Variants in IRAG1 observed in about 807,000 individuals in gnomAD.
IRAG1 encodes the protein IP3R-associated cGMP kinase substrate.
A neutral mutation model predicts 106.2 loss-of-function variants in IRAG1; 62 were observed. The observed-to-expected ratio is 0.58, with a 90% CI of 0.48 to 0.72. The LOEUF is 0.72. IRAG1 is among the 30% of genes least tolerant of loss of function. IRAG1 has a pLI of 0.00. For missense variants in IRAG1, 1,064 were observed against 1,140.7 expected, an observed-to-expected ratio of 0.93 and a Z score of 0.97; for synonymous variants, 462 against 443.9, an observed-to-expected ratio of 1.04 and a Z score of -0.51.
rs4489736 is a variant in IRAG1, at chr11:10,665,117, G to C, written c.68-12935C>G. 1 allele frequency among the ~76,000 whole-genome samples: 152,321 copies of C among 152,324 alleles called. 76,159 individuals are homozygous for C. Among genetic ancestry groups the C allele is most frequent in the Non-Finnish European group, 1 (68,032 of 68,032 alleles). Reference sequence around the variant, plus strand: ...CCAAGTCTTCTCTCACCTCTCTACTGTGCTGCTTACCTAACCCTAACCCTA... The same window carrying C: ...CCAAGTCTTCTCTCACCTCTCTACTCTGCTGCTTACCTAACCCTAACCCTA... On this transcript the variant is annotated intron_variant, in intron 1 of 20. Coordinates refer to ENST00000423302, the MANE Select transcript of IRAG1 (RefSeq NM_130385.4). The surrounding 1 kb of genome is among the most constrained non-coding windows in gnomAD (Gnocchi z 4.2).
At chr11:10,633,143 G>T (rs56111435) in intron 3 of IRAG1, among the ~76,000 whole-genome samples, 30,708 of 147,182 alleles carry the variant, frequency 0.21, 4,173 homozygotes, top group Non-Finnish European at 0.3. Context: ...GGCGCGATCT[G>T]GGCTCACTGC....
rs1856477236 is a variant in IRAG1, at chr11:10,628,882, C to G, written c.575-54G>C. On this transcript the variant is annotated intron_variant, in intron 5 of 20. Coordinates refer to ENST00000423302, the MANE Select transcript of IRAG1 (RefSeq NM_130385.4). This position sits in a 1 kb window ranked among gnomAD's most constrained non-coding sequence, Gnocchi z 4.1. ...ATTCATGAAGGTTTAGGACTTCAAC[C>G]TGGCAAAGGCATCCTTTTAGGTATT... The G allele has an allele frequency of 2.5e-5, 37 of 1,491,758 alleles. No homozygotes were observed. Among genetic ancestry groups the G allele is most frequent in the Non-Finnish European group, 3.4e-5 (37 of 1,099,796 alleles). 92.4% of individuals were successfully genotyped at this position (1,491,758 alleles called of 1,614,324 possible). A position where few individuals can be genotyped will look rare whatever the true frequency, so the allele number is the denominator to read the frequency against.
At chr11:10,614,877 TG>T (rs1855268787) in intron 10 of IRAG1, among the ~76,000 whole-genome samples, 1 of 152,214 alleles carries the variant, frequency 6.6e-6, no homozygotes, top group Admixed American at 6.5e-5. Context: ...GACATAGGCA[TG>T]GGCAAGGACT....
intron 20 of IRAG1, among the ~76,000 whole-genome samples, chr11:10,579,797 G>C (rs902682415): frequency 6.6e-6 from 1 of 152,150 alleles, no homozygotes. Flanking sequence ...GGAACCACAA[G>C]TGGGACAAGA....
chr11:10,640,802 C>T (rs11042905), intron 2 of IRAG1, among the ~76,000 whole-genome samples: 62,628 of 152,036 alleles, frequency 0.41, 13,143 homozygotes, highest in African/African-American at 0.44. Flanking sequence ...TCAGAAGCCA[C>T]ACTACCTTAT....
chr11:10,643,099 C>T (rs1857646924), intron 2 of IRAG1, among the ~76,000 whole-genome samples: 2 of 138,118 alleles, frequency 1.4e-5, no homozygotes, highest in Non-Finnish European at 1.5e-5. Context: ...GGCGTGAACC[C>T]AGGAGGCGGA....
Position 10,657,367 on chromosome 11 carries a change from G to GGCA in IRAG1, c.68-5188_68-5186dup, listed in dbSNP as rs1184118876. ...TGCAGGGCCAAGCCTGTTCTCGGCA[G>GGCA]GCAGCAGCAGCCTCTCATCATGGCG... On this transcript the variant is annotated intron_variant, in intron 1 of 20. Transcript: ENST00000423302. The surrounding 1 kb of genome is among the most constrained non-coding windows in gnomAD (Gnocchi z 4.1). Among the ~76,000 whole-genome samples the GGCA allele has an allele frequency of 6.6e-6, 1 of 152,194 alleles. No individual in the cohort carries two copies. The highest frequency in any genetic ancestry group is 1.5e-5 in the Non-Finnish European group (1 of 68,030).
chr11:10,589,690 T>C (rs1407896913), intron 18 of IRAG1, among the ~76,000 whole-genome samples: 1 of 152,234 alleles, frequency 6.6e-6, no homozygotes, highest in African/African-American at 2.4e-5. Context: ...CATTCTTACA[T>C]GGGTATATTC....
chr11:10,581,431 C>G (rs1012728817), intron 19 of IRAG1, among the ~76,000 whole-genome samples: 3 of 151,956 alleles, frequency 2.0e-5, no homozygotes, highest in African/African-American at 7.3e-5. Flanking sequence ...GGAGGCAGTT[C>G]GAAGTTGAAG....
chr11:10,692,728 C>T (rs1466033586), intron 1 of IRAG1, among the ~76,000 whole-genome samples: 1 of 152,224 alleles, frequency 6.6e-6, no homozygotes, highest in African/African-American at 2.4e-5. Context: ...TCCCAGACCC[C>T]GGGCTGCTGT....
intron 1 of IRAG1, among the ~76,000 whole-genome samples, chr11:10,680,820 A>G (rs1321488238): frequency 1.3e-5 from 2 of 152,188 alleles, no homozygotes; most frequent in Admixed American, 1.3e-4. Flanking sequence ...TTTGTGACAT[A>G]GGGCTCACAA....
rs186495559 is a variant in IRAG1 at position 10,628,421 on chromosome 11, A to G, written c.652+330T>C. ...AAAGGGAAGAAGTCAGACCCCAAAG[A>G]GGCCTTTCTGTATAAGCTCTTGAGG... On this transcript the variant is annotated intron_variant, in intron 6 of 20. Transcript: ENST00000423302. The surrounding 1 kb of genome is among the most constrained non-coding windows in gnomAD (Gnocchi z 4.1). Among the ~76,000 whole-genome samples the G allele has an allele frequency of 3.2e-3, 491 of 152,220 alleles. 3 individuals are homozygous for G. The highest frequency in any genetic ancestry group is 0.011 in the African/African-American group (467 of 41,532).
intron 1 of IRAG1, among the ~76,000 whole-genome samples, chr11:10,674,986 G>A (rs1051991846): frequency 2.0e-5 from 3 of 152,232 alleles, no homozygotes; most frequent in African/African-American, 7.2e-5. Flanking sequence ...TTTGGACGCC[G>A]TGCACTGGCA....
chr11:10,611,009 T>A (rs1451266845), intron 10 of IRAG1, among the ~76,000 whole-genome samples: 1 of 152,200 alleles, frequency 6.6e-6, no homozygotes, highest in African/African-American at 2.4e-5. Flanking sequence ...TGTAGCCACC[T>A]GAAGAGTTAA....
Position 10,622,608 on chromosome 11 carries a change from G to C in IRAG1, c.1447+1170C>G, listed in dbSNP as rs1200320942. On this transcript the variant is annotated intron_variant, in intron 10 of 20. Coordinates refer to ENST00000423302, the MANE Select transcript of IRAG1 (RefSeq NM_130385.4). ...CAGCCTTGACCTCCCAGGCTCAAGC[G>C]ATCCTCCCACCTCAGCCTCCCGGGT... Among the ~76,000 whole-genome samples the C allele has an allele frequency of 2.0e-5, 3 of 152,034 alleles. No individual in the cohort carries two copies. In the South Asian group the frequency reaches 6.2e-4, roughly 32 times the overall value.
At chr11:10,676,183 G>A (rs540463519) in intron 1 of IRAG1, among the ~76,000 whole-genome samples, 6 of 152,340 alleles carry the variant, frequency 3.9e-5, no homozygotes, top group East Asian at 1.9e-4. Flanking sequence ...TTCCAGAAGC[G>A]CAGGACACAG....
At chr11:10,627,648 G>C in intron 8 of IRAG1, 68 bp downstream of exon 8, 1 of 1,571,958 alleles carries the variant, frequency 6.4e-7, no homozygotes, top group Non-Finnish European at 8.8e-7. Flanking sequence ...CCAGGAGCCA[G>C]CCTAGGCTTC....
At chr11:10,687,654 GC>G (rs1589984589) in intron 1 of IRAG1, 2 of 1,274,010 alleles carry the variant, frequency 1.6e-6, no homozygotes, top group East Asian at 1.1e-4. Context: ...AGACACAGAT[GC>G]CCAATCCTCT....
intron 1 of IRAG1, among the ~76,000 whole-genome samples, chr11:10,672,459 A>G (rs892476500): frequency 6.6e-6 from 1 of 152,248 alleles, no homozygotes; most frequent in Non-Finnish European, 1.5e-5. Flanking sequence ...GGACTTGAAT[A>G]AAGAACTCTT....
Sources: allele counts gnomAD v4.1 joint callset (sites outside exome capture counted in the v4.1 genomes callset), GRCh38; gene constraint gnomAD v4.1.1; non-coding constraint Gnocchi (gnomAD v3.1); transcripts MANE v1.5; gene names NCBI Gene and HGNC (gene_info 2026-07-23, HGNC 2026-07-21).